POT1: variants seen among roughly 807,000 people sequenced by gnomAD.
The protein encoded by POT1 is protection of telomeres 1.
Under a neutral mutation model 78.5 loss-of-function variants are expected in POT1, and 47 were observed. The observed-to-expected ratio is 0.60, with a 90% CI of 0.47 to 0.76. The LOEUF is 0.76. POT1 is among the 30% of genes least tolerant of loss of function. The pLI is 0.00. For missense variants in POT1, 646 were observed against 749.9 expected, an observed-to-expected ratio of 0.86 and a Z score of 1.62; for synonymous variants, 259 against 260.7, an observed-to-expected ratio of 0.99 and a Z score of 0.06.
At chr7:124,828,347 C>T (rs1794680553) in intron 16 of POT1, among the ~76,000 whole-genome samples, 1 of 152,044 alleles carries the variant, frequency 6.6e-6, no homozygotes, top group African/African-American at 2.4e-5. Flanking sequence ...ATTAGACATA[C>T]TGGGTAAAAT....
intron 2 of POT1, among the ~76,000 whole-genome samples, chr7:124,923,067 T>C (rs749269865): frequency 6.6e-6 from 1 of 151,258 alleles, no homozygotes; most frequent in Non-Finnish European, 1.5e-5. Context: ...ATTGCTACAC[T>C]AGATGCACAG....
At chr7:124,908,109 T>C (rs1374958664) in intron 3 of POT1, among the ~76,000 whole-genome samples, 3 of 151,944 alleles carry the variant, frequency 2.0e-5, no homozygotes, top group African/African-American at 7.2e-5. Context: ...TAATCCAAAA[T>C]GAAAAACACT....
At chr7:124,918,024 T>C (rs766150658) in intron 2 of POT1, among the ~76,000 whole-genome samples, 1 of 152,170 alleles carries the variant, frequency 6.6e-6, no homozygotes, top group Non-Finnish European at 1.5e-5. Context: ...CAGAAACTAC[T>C]GGGAAATTTG....
At chr7:124,897,393 TAAAA>T (rs11329934) in intron 4 of POT1, among the ~76,000 whole-genome samples, 181 bp from the exon 5 acceptor site, 1 of 150,100 alleles carries the variant, frequency 6.7e-6, no homozygotes, top group South Asian at 2.1e-4. Flanking sequence ...TACAGAAACT[TAAAA>T]AAAAAAGGCA....
intron 4 of POT1, among the ~76,000 whole-genome samples, chr7:124,897,595 C>A (rs1289793833): frequency 6.6e-6 from 1 of 151,804 alleles, no homozygotes; most frequent in African/African-American, 2.4e-5. Context: ...CTGCATAGAA[C>A]CTTAGATGTT....
chr7:124,927,159 T>C (rs1348951648), intron 2 of POT1, among the ~76,000 whole-genome samples: 1 of 152,254 alleles, frequency 6.6e-6, no homozygotes, highest in Non-Finnish European at 1.5e-5. Flanking sequence ...CTTTCATTTT[T>C]TCACCTGACA....
rs2116504451 is a variant in POT1, at chr7:124,853,005, G to A, written c.836C>T (p.Pro279Leu). Residue 279 changes from proline (P) to leucine (L), a missense_variant, in exon 10 of 19, where the codon CCA becomes CTA. By Grantham distance (98) the Pro-to-Leu change is moderately conservative. Coordinates refer to ENST00000357628, the MANE Select transcript of POT1 (RefSeq NM_015450.3). ...TSYGRGIRVL[P>L]ESNSDVDQLK... ...TTGATCCACATCAGAGTTACTTTCT[G>A]GCAAGACCCTGATTCCCCGACCGTA... 6.2e-7 allele frequency: 1 copy of A among 1,613,248 alleles called. No individual in the cohort carries two copies. The highest frequency in any genetic ancestry group is 8.5e-7 in the Non-Finnish European group (1 of 1,179,494).
At chr7:124,847,292 A>T (rs769744497) in intron 11 of POT1, among the ~76,000 whole-genome samples, 8 of 152,176 alleles carry the variant, frequency 5.3e-5, no homozygotes, top group Non-Finnish European at 1.2e-4. Context: ...ATCAGGAGTT[A>T]GAGACCAGCC....
chr7:124,900,754 G>C (rs906929535), intron 3 of POT1: 30 of 271,822 alleles, frequency 1.1e-4, no homozygotes, highest in Non-Finnish European at 2.0e-4. Context: ...CTAGCCAAGG[G>C]AAGCCATGAC....
chr7:124,902,638 T>C (rs1052192373), intron 3 of POT1, among the ~76,000 whole-genome samples: 20 of 152,218 alleles, frequency 1.3e-4, no homozygotes, highest in Non-Finnish European at 2.2e-4. Context: ...AATAACCAGC[T>C]AACATCATAA....
chr7:124,855,141 CA>C (rs1163792708), intron 9 of POT1, among the ~76,000 whole-genome samples: 1 of 103,108 alleles, frequency 9.7e-6, no homozygotes, highest in East Asian at 3.1e-4. Flanking sequence ...TTTACCCTAT[CA>C]AAAAATACAT....
chr7:124,871,477 G>T (rs1795866547), intron 6 of POT1, among the ~76,000 whole-genome samples: 1 of 151,992 alleles, frequency 6.6e-6, no homozygotes. Context: ...TATGAAAACT[G>T]TCATAAAAAT....
intron 7 of POT1, among the ~76,000 whole-genome samples, chr7:124,869,739 G>A (rs553885843): frequency 5.5e-4 from 84 of 151,998 alleles, no homozygotes; most frequent in African/African-American, 1.9e-3. Flanking sequence ...TTACCACCAC[G>A]CCCGGCTGAT....
chr7:124,925,877 A>C (rs1341540440), intron 2 of POT1, among the ~76,000 whole-genome samples: 1 of 152,200 alleles, frequency 6.6e-6, no homozygotes, highest in Admixed American at 6.5e-5. Flanking sequence ...CTTTTCAATT[A>C]ATGGTGCTGG....
At position 124,877,018 on chromosome 7, in the gene POT1, C is replaced by T. The variant is rs144299293; in HGVS notation, c.125-5977G>A. 7.2e-3 allele frequency among the ~76,000 whole-genome samples: 1,100 copies of T among 152,250 alleles called. 14 individuals carry two copies. The highest frequency in any genetic ancestry group is 0.024 in the African/African-American group (1,017 of 41,550). On this transcript the variant is annotated intron_variant, in intron 6 of 18. Transcript: ENST00000357628. ...AGAACATTTACTAGAAATGAAGATGCAGTCTTCCAATTAAAAGGGCCCATT... is the reference window on the plus strand; with the variant it reads ...AGAACATTTACTAGAAATGAAGATGTAGTCTTCCAATTAAAAGGGCCCATT...
chr7:124,847,059 C>G, intron 11 of POT1, 61 bp from the exon 12 acceptor site: 2 of 1,152,592 alleles, frequency 1.7e-6, no homozygotes, highest in Non-Finnish European at 2.6e-6. Context: ...GAACTGAAAA[C>G]AATGGAGCGT....
At chr7:124,902,875 C>T (rs1796657806) in intron 3 of POT1, among the ~76,000 whole-genome samples, 1 of 152,088 alleles carries the variant, frequency 6.6e-6, no homozygotes. Context: ...AGTTGCAATC[C>T]TAGTCTCTGA....
intron 3 of POT1, among the ~76,000 whole-genome samples, chr7:124,914,583 A>G (rs1010743305): frequency 5.9e-5 from 9 of 152,224 alleles, no homozygotes; most frequent in African/African-American, 2.2e-4. Context: ...TGCAAATTCA[A>G]CCAATTCAGA....
intron 9 of POT1, among the ~76,000 whole-genome samples, chr7:124,857,410 A>G (rs1477626824): frequency 1.3e-5 from 2 of 152,234 alleles, no homozygotes; most frequent in African/African-American, 4.8e-5. Flanking sequence ...AAAGCCTGAT[A>G]CCACGGCCCA....
Sources: gnomAD v4.1 joint callset for allele counts (sites outside exome capture counted in the v4.1 genomes callset) on GRCh38, gnomAD v4.1.1 for gene constraint, MANE v1.5 for transcripts, NCBI Gene and HGNC (gene_info 2026-07-23, HGNC 2026-07-21) for gene names.